The following AJAP1 variants were observed in gnomAD, a reference collection of about 807,000 sequenced individuals.
AJAP1 encodes the protein adherens junctions associated protein 1.
A neutral mutation model predicts 35.0 loss-of-function variants in AJAP1; 5 were observed. That is an observed-to-expected ratio of 0.14 (90% CI 0.07 to 0.30). The LOEUF is 0.30. Among genes scored for constraint, AJAP1 ranks in the 10% least tolerant of loss-of-function variants. AJAP1 has a pLI of 1.00. For synonymous variants in AJAP1, 284 were observed against 249.3 expected (o/e 1.14, Z -1.31); for missense variants, 586 against 571.0 (o/e 1.03, Z -0.27).
At chr1:4,719,550 G>T (rs942820056) in intron 2 of AJAP1, among the ~76,000 whole-genome samples, 1 of 152,150 alleles carries the variant, frequency 6.6e-6, no homozygotes. Context: ...AGCCCATCTC[G>T]GGGGCGTGTG....
At chr1:4,691,573 C>G (rs988838238) in intron 1 of AJAP1, among the ~76,000 whole-genome samples, 5 of 152,194 alleles carry the variant, frequency 3.3e-5, no homozygotes, top group Non-Finnish European at 7.3e-5. Flanking sequence ...ACCAAAAGCC[C>G]TGGTGCTGGA....
In AJAP1 at chr1:4,782,517, A is replaced by C; in HGVS notation, c.*60-28A>C. 2.7e-6 allele frequency: 1 copy of C among 371,422 alleles called. No homozygotes were observed. The highest frequency in any genetic ancestry group is 4.8e-6 in the Non-Finnish European group (1 of 209,382). The allele number at this position is 371,422 out of a possible 1,614,324, so 23.0% of individuals were successfully genotyped here. A position where few individuals can be genotyped will look rare whatever the true frequency, so the allele number is the denominator to read the frequency against. The stretch of plus-strand genomic sequence containing the variant: ...TCGCGCCCTCGGCGTGCTGCCATTT[A>C]ATCTCTTCTTGTTTTCTTTCCACAC... On this transcript the variant is annotated intron_variant, in intron 5 of 5. Transcript: ENST00000378191. This position sits in a 1 kb window ranked among gnomAD's most constrained non-coding sequence, Gnocchi z 5.3.
At chr1:4,743,379 C>T (rs1050243017) in intron 2 of AJAP1, among the ~76,000 whole-genome samples, 6 of 152,134 alleles carry the variant, frequency 3.9e-5, no homozygotes, top group Non-Finnish European at 8.8e-5. Flanking sequence ...AAAAGGGGCT[C>T]GAGACAGTGC....
intron 2 of AJAP1, among the ~76,000 whole-genome samples, chr1:4,717,715 C>A (rs1640427507): frequency 1.3e-5 from 2 of 152,190 alleles, no homozygotes; most frequent in African/African-American, 4.8e-5. Context: ...GTCAGCTGAC[C>A]TAAGCATCAA....
rs537856599 is a variant in AJAP1, at chr1:4,707,727, C to T, written c.30-4173C>T. On this transcript the variant is annotated intron_variant, in intron 1 of 5. Transcript: ENST00000378191. ...AGTTGTGAGTGTGGCCCTGGGCCTCCCAGTGCAGGTTTTCATGTGGACAGA... is the reference window on the plus strand; with the variant it reads ...AGTTGTGAGTGTGGCCCTGGGCCTCTCAGTGCAGGTTTTCATGTGGACAGA... 2.6e-5 allele frequency among the ~76,000 whole-genome samples: 4 copies of T among 152,170 alleles called. No individual in the cohort carries two copies. The South Asian group carries it at 8.3e-4, about 32-fold the overall frequency.
At chr1:4,779,926 C>A (rs946180526) in intron 5 of AJAP1, among the ~76,000 whole-genome samples, 1 of 152,058 alleles carries the variant, frequency 6.6e-6, no homozygotes, top group Non-Finnish European at 1.5e-5. Flanking sequence ...CGGCGGATCA[C>A]CTGAAGTCAG....
chr1:4,665,363 G>A (rs1037204464), intron 1 of AJAP1, among the ~76,000 whole-genome samples: 25 of 152,236 alleles, frequency 1.6e-4, no homozygotes, highest in African/African-American at 5.8e-4. Context: ...GGCATTTTGG[G>A]GACTCTTGAT....
At chr1:4,728,213 C>A (rs1214152477) in intron 2 of AJAP1, among the ~76,000 whole-genome samples, 1 of 152,120 alleles carries the variant, frequency 6.6e-6, no homozygotes, top group Admixed American at 6.6e-5. Context: ...AAATGAGGGT[C>A]GTGGGCAGGG....
intron 2 of AJAP1, among the ~76,000 whole-genome samples, chr1:4,764,751 A>C (rs926017681): frequency 2.6e-5 from 4 of 152,186 alleles, no homozygotes; most frequent in African/African-American, 9.7e-5. Context: ...GCCTTGGCCA[A>C]TTCCAGGACC....
rs1040729621 is a variant in AJAP1 at position 4,791,269 on chromosome 1, C to T, written c.*8784C>T. ...TGAGTTAGACCCAGAAAGTATTGAA[C>T]TGGACATTGAATGAAGCTTGAGGCC... On this transcript the variant is annotated 3_prime_UTR_variant, in exon 6 of 6. Coordinates refer to ENST00000378191, the MANE Select transcript of AJAP1 (RefSeq NM_018836.4). 1.3e-5 allele frequency: 2 copies of T among 152,304 alleles called. No individual in the cohort carries two copies. The highest frequency in any genetic ancestry group is 4.1e-4 in the South Asian group (2 of 4,824). The allele number at this position is 152,304 out of a possible 1,614,324, so 9.4% of individuals were successfully genotyped here.
intron 1 of AJAP1, among the ~76,000 whole-genome samples, chr1:4,705,395 CTTTTTTTTTTTTTTTTTTTT>C (rs58022692): frequency 1.7e-4 from 4 of 23,806 alleles, no homozygotes; most frequent in South Asian, 2.4e-3. Context: ...TTTTGAAGAG[CTTTTTTTTTTTTTTTTTTTT>C]TTTTTTTTTT....
chr1:4,713,948 C>T (rs1420391369), intron 2 of AJAP1, among the ~76,000 whole-genome samples: 1 of 152,206 alleles, frequency 6.6e-6, no homozygotes, highest in Non-Finnish European at 1.5e-5. Flanking sequence ...GGCATCCAGG[C>T]CCTCTGCGTC....
intron 1 of AJAP1, among the ~76,000 whole-genome samples, chr1:4,664,498 A>T (rs1463880722): frequency 6.6e-6 from 1 of 152,184 alleles, no homozygotes; most frequent in Non-Finnish European, 1.5e-5. Flanking sequence ...GGTTGGGCCC[A>T]AGGGTCAGCC....
chr1:4,665,616 G>T (rs1006465403), intron 1 of AJAP1, among the ~76,000 whole-genome samples: 1 of 152,196 alleles, frequency 6.6e-6, no homozygotes, highest in Non-Finnish European at 1.5e-5. Flanking sequence ...CACCAGCCAC[G>T]CAAGTGGTCC....
rs76250639 is a variant in AJAP1 at position 4,662,857 on chromosome 1, A to T, written c.29+7403A>T. On this transcript the variant is annotated intron_variant, in intron 1 of 5. Coordinates refer to ENST00000378191, the MANE Select transcript of AJAP1 (RefSeq NM_018836.4). Reference sequence around the variant, plus strand: ...GGTTCGATGGAGAACAGGCATTTCCATTCTGCCTTGGTATAAAGGGGAATA... The same window carrying T: ...GGTTCGATGGAGAACAGGCATTTCCTTTCTGCCTTGGTATAAAGGGGAATA... Among the ~76,000 whole-genome samples the T allele has an allele frequency of 2.5e-3, 387 of 152,374 alleles. 1 individual carries two copies. The highest frequency in any genetic ancestry group is 4.5e-3 in the Non-Finnish European group (307 of 68,038).
chr1:4,772,712 C>T (rs1215810244), intron 4 of AJAP1, among the ~76,000 whole-genome samples, 187 bp downstream of exon 4: 2 of 152,194 alleles, frequency 1.3e-5, no homozygotes, highest in Non-Finnish European at 2.9e-5. Context: ...TAGCAACAGG[C>T]GTTTAGCTGC....
At chr1:4,668,009 G>T (rs529265837) in intron 1 of AJAP1, among the ~76,000 whole-genome samples, 3 of 152,266 alleles carry the variant, frequency 2.0e-5, no homozygotes, top group African/African-American at 7.2e-5. Context: ...GAGGTCAGGA[G>T]TTCAAGACCA....
At chr1:4,667,492 A>G (rs1348023330) in intron 1 of AJAP1, among the ~76,000 whole-genome samples, 1 of 152,124 alleles carries the variant, frequency 6.6e-6, no homozygotes, top group Non-Finnish European at 1.5e-5. Flanking sequence ...TCTGGATAAA[A>G]CTGTTCCACC....
At position 4,787,818 on chromosome 1, in the gene AJAP1, T is replaced by A. The variant is rs571828427; in HGVS notation, c.*5333T>A. The stretch of plus-strand genomic sequence containing the variant: ...GGCACCTTGGGGATGCCATTCTTCT[T>A]GGTGCCAGAAGGCAGCTGCATCTCC... On this transcript the variant is annotated 3_prime_UTR_variant, in exon 6 of 6. Coordinates refer to ENST00000378191, the MANE Select transcript of AJAP1 (RefSeq NM_018836.4). 8.0e-4 allele frequency: 362 copies of A among 453,004 alleles called. No individual in the cohort carries two copies. The highest frequency in any genetic ancestry group is 1.3e-3 in the Non-Finnish European group (294 of 224,740). The allele number at this position is 453,004 out of a possible 1,614,324, so 28.1% of individuals were successfully genotyped here.
Sources: allele counts gnomAD v4.1 joint callset (sites outside exome capture counted in the v4.1 genomes callset), GRCh38; gene constraint gnomAD v4.1.1; non-coding constraint Gnocchi (gnomAD v3.1); transcripts MANE v1.5; gene names NCBI Gene and HGNC (gene_info 2026-07-23, HGNC 2026-07-21).